POMC: variants seen among roughly 807,000 people sequenced by gnomAD.
POMC encodes proopiomelanocortin, also known as pro-opiomelanocortin.
A neutral mutation model predicts 18.5 loss-of-function variants in POMC; 19 were observed. The observed-to-expected ratio is 1.03, with a 90% CI of 0.72 to 1.51. The LOEUF (loss-of-function observed/expected upper bound fraction) is 1.51. Among genes scored for constraint, POMC ranks in the 40% most tolerant of loss-of-function variants. POMC has a pLI of 0.00. For missense variants in POMC, 451 were observed against 379.0 expected (o/e 1.19, Z -1.58); for synonymous variants, 179 against 161.9 (o/e 1.11, Z -0.80).
At position 25,161,557 on chromosome 2, in the gene POMC, C is replaced by T. The variant is rs1671372305; in HGVS notation, c.328G>A (p.Gly110Ser). Residue 110 changes from glycine to serine, a missense_variant, in exon 3 of 3, where the codon GGC becomes AGC. By Grantham distance (56) the Gly-to-Ser change is moderately conservative (BLOSUM62 0). Transcript: ENST00000395826. This position sits in a 1 kb window ranked among gnomAD's most constrained non-coding sequence, Gnocchi z 5.7. ...AGQKREDVSA[G>S]EDCGPLPEGG... is the part of the protein sequence containing the mutation. ...TCAGGCAGCGGGCCGCAGTCTTCGC[C>T]CGCTGAGACGTCCTCGCGCTTCTGC... The T allele has an allele frequency of 1.3e-6, 2 of 1,572,702 alleles. No individual in the cohort carries two copies. The highest frequency in any genetic ancestry group is 1.7e-6 in the Non-Finnish European group (2 of 1,159,334).
rs772522417 is a variant in POMC at position 25,161,129 on chromosome 2, C to A, written c.756G>T (p.Thr252=). Reference sequence around the variant, plus strand: ...TCTTGATGATGGCGTTTTTGAACAGCGTCACCAGGGGCGTCTGGCTCTTCT... The same window carrying A: ...TCTTGATGATGGCGTTTTTGAACAGAGTCACCAGGGGCGTCTGGCTCTTCT... The part of the protein sequence containing the change: ...TSEKSQTPLV[T]LFKNAIIKNA... The change falls in exon 3 of 3, where the codon ACG becomes ACT. Residue 252 remains threonine (T), a synonymous_variant. Coordinates refer to ENST00000395826, the MANE Select transcript of POMC (RefSeq NM_000939.4). The surrounding 1 kb of genome is among the most constrained non-coding windows in gnomAD (Gnocchi z 5.7). The A allele has an allele frequency of 6.8e-6, 11 of 1,613,622 alleles. No individual in the cohort carries two copies. In the Admixed American group the frequency reaches 1.2e-4, roughly 17 times the overall value.
intron 1 of POMC, 131 bp from the exon 2 acceptor site, chr2:25,164,923 A>G: frequency 3.2e-6 from 3 of 943,176 alleles, no homozygotes; most frequent in Non-Finnish European, 4.8e-6. Flanking sequence ...TAAGGACAGC[A>G]GCAATGCTGA....
rs121918112 is a variant in POMC at position 25,161,734 on chromosome 2, T to A, written c.151A>T (p.Lys51Ter). 6.3e-7 allele frequency: 1 copy of A among 1,594,778 alleles called. No homozygotes were observed. The highest frequency in any genetic ancestry group is 8.5e-7 in the Non-Finnish European group (1 of 1,171,856). The change falls in exon 3 of 3, where the codon AAG becomes TAG. Residue 51 changes from lysine to a stop codon, truncating the protein, a stop_gained. Transcript: ENST00000395826. LOFTEE classifies it high-confidence loss of function. The surrounding 1 kb of genome is among the most constrained non-coding windows in gnomAD (Gnocchi z 5.7). ...SNLLECIRAC[K>*]PDLSAETPMF... ...GGAGTCTCGGCCGAGAGGTCGGGCT[T>A]GCAGGCCCGGATGCACTCCTGGGGG...
chr2:25,167,668 G>T (rs544526122), intron 1 of POMC, among the ~76,000 whole-genome samples: 5 of 152,286 alleles, frequency 3.3e-5, no homozygotes, highest in Admixed American at 6.5e-5. Context: ...GCCACCTCGG[G>T]TGCGCTAAGG....
intron 1 of POMC, among the ~76,000 whole-genome samples, chr2:25,166,059 A>G (rs143339944): frequency 1.2e-4 from 19 of 152,360 alleles, no homozygotes; most frequent in African/African-American, 4.3e-4. Context: ...TCTTTTTTAT[A>G]TAGGGGAGGC....
At chr2:25,165,765 A>C (rs1294618658) in intron 1 of POMC, 1 of 151,262 alleles carries the variant, frequency 6.6e-6, no homozygotes, top group Non-Finnish European at 1.5e-5. Flanking sequence ...CCCTGTACCC[A>C]CCCCTCTCTC....
At chr2:25,166,195 C>T (rs923082639) in intron 1 of POMC, among the ~76,000 whole-genome samples, 4 of 152,198 alleles carry the variant, frequency 2.6e-5, no homozygotes, top group African/African-American at 4.8e-5. Flanking sequence ...GAAGGGTTGC[C>T]GGGCAAGGCT....
At chr2:25,167,775 T>A (rs997284803) in intron 1 of POMC, among the ~76,000 whole-genome samples, 1 of 152,188 alleles carries the variant, frequency 6.6e-6, no homozygotes, top group African/African-American at 2.4e-5. Flanking sequence ...CTGCCCCGTT[T>A]CCAACATTAA....
chr2:25,166,293 T>G (rs1322528958), intron 1 of POMC, among the ~76,000 whole-genome samples: 1 of 152,200 alleles, frequency 6.6e-6, no homozygotes, highest in Admixed American at 6.5e-5. Context: ...TGAACGAGCT[T>G]TGGTCAACCT....
Position 25,168,169 on chromosome 2 carries a change from A to G in POMC, c.-21+329T>C, listed in dbSNP as rs1671621864. 6.6e-6 allele frequency among the ~76,000 whole-genome samples: 1 copy of G among 150,882 alleles called. No individual in the cohort carries two copies. The highest frequency in any genetic ancestry group is 1.5e-5 in the Non-Finnish European group (1 of 67,766). On this transcript the variant is annotated intron_variant, in intron 1 of 2. Coordinates refer to ENST00000395826, the MANE Select transcript of POMC (RefSeq NM_000939.4). The surrounding 1 kb of genome is among the most constrained non-coding windows in gnomAD (Gnocchi z 5.2). ...AACTCCGTCTCAAAAAAAAAAAAAAAGACCGGGTTGTCCCAAGACCTCCTA... is the reference window on the plus strand; with the variant it reads ...AACTCCGTCTCAAAAAAAAAAAAAAGGACCGGGTTGTCCCAAGACCTCCTA...
At chr2:25,163,073 A>G (rs564516484) in intron 2 of POMC, among the ~76,000 whole-genome samples, 1 of 152,360 alleles carries the variant, frequency 6.6e-6, no homozygotes, top group South Asian at 2.1e-4. Flanking sequence ...TGATAAAAAG[A>G]TGAAAAGCTC....
chr2:25,162,771 A>AAC (rs1671437682), intron 2 of POMC, among the ~76,000 whole-genome samples: 1 of 152,232 alleles, frequency 6.6e-6, no homozygotes, highest in African/African-American at 2.4e-5. Flanking sequence ...CAGTGATGAA[A>AAC]AACCTACTTT....
Position 25,161,297 on chromosome 2 carries a change from A to G in POMC, c.588T>C (p.Asp196=). 6.2e-7 allele frequency: 1 copy of G among 1,610,460 alleles called. No individual in the cohort carries two copies. The highest frequency in any genetic ancestry group is 8.5e-7 in the Non-Finnish European group (1 of 1,178,654). The change falls in exon 3 of 3, where the codon GAT becomes GAC. Residue 196 remains aspartate, a synonymous_variant. Coordinates refer to ENST00000395826, the MANE Select transcript of POMC (RefSeq NM_000939.4). The surrounding 1 kb of genome is among the most constrained non-coding windows in gnomAD (Gnocchi z 5.7). ...REGDGPDGPA[D]DGAGAQADLE... ...GGTCGGCCTGGGCCCCTGCGCCGTC[A>G]TCGGCAGGGCCGTCGGGGCCATCTC...
chr2:25,163,685 G>A (rs1671464105), intron 2 of POMC, among the ~76,000 whole-genome samples: 1 of 152,202 alleles, frequency 6.6e-6, no homozygotes, highest in Admixed American at 6.5e-5. Flanking sequence ...TACCCAGACT[G>A]GAGTGCAATG....
At position 25,160,973 on chromosome 2, in the gene POMC, T is replaced by G; in HGVS notation, c.*108A>C. ...CTACAGGCAGCTTTAAGAGGCTGAT[T>G]ATCTGCCACGACCCCCCAGGCTGGG... On this transcript the variant is annotated 3_prime_UTR_variant, in exon 3 of 3. Transcript: ENST00000395826. 1 of 1,543,370 alleles carries G rather than the reference T, an allele frequency of 6.5e-7. No individual in the cohort carries two copies. Among genetic ancestry groups the G allele is most frequent in the Middle Eastern group, 1.8e-4 (1 of 5,426 alleles).
chr2:25,160,913 G>C lies in POMC; in HGVS notation c.*168C>G, dbSNP rs1273410334. 1 of 1,081,366 alleles carries C rather than the reference G, an allele frequency of 9.2e-7. No individual in the cohort carries two copies. The highest frequency in any genetic ancestry group is 2.9e-5 in the Admixed American group (1 of 35,034). The allele number at this position is 1,081,366 out of a possible 1,614,324, so 67.0% of individuals were successfully genotyped here. On this transcript the variant is annotated 3_prime_UTR_variant, in exon 3 of 3. Transcript: ENST00000395826. ...CACACAGTTTACATTCAAAGTCAGA[G>C]GTGGATGTGAAATTTGAAAGGTTTT...
In POMC at chr2:25,161,602, TGCTGCTGCTGTTGCG is replaced by T; in HGVS notation, c.268_282del (p.Arg90_Ser94del). 6.4e-7 allele frequency: 1 copy of T among 1,555,452 alleles called. No individual in the cohort carries two copies. Among genetic ancestry groups the T allele is most frequent in the South Asian group, 1.2e-5 (1 of 84,812 alleles). On this transcript the variant is annotated inframe_deletion, in exon 3 of 3. Transcript: ENST00000395826. The surrounding 1 kb of genome is among the most constrained non-coding windows in gnomAD (Gnocchi z 5.7). ...TTCTGCCCTGCGCCGCTGCTGCCGC[TGCTGCTGCTGTTGCG>T]GCGGCCGAATCGGTCCCAGCGGAAG...
Position 25,161,474 on chromosome 2 carries a change from G to C in POMC, c.411C>G (p.Arg137=), listed in dbSNP as rs745363350. Reference sequence around the variant, plus strand: ...AGCGGAAGTGCTCCATGGAGTAGGAGCGCTTGCCCTCGCGCGGGCCCGGCT... The same window carrying C: ...AGCGGAAGTGCTCCATGGAGTAGGACCGCTTGCCCTCGCGCGGGCCCGGCT... ...GAKPGPREGK[R]SYSMEHFRWG... The change falls in exon 3 of 3, where the codon CGC becomes CGG. Residue 137 remains arginine, a synonymous_variant. Coordinates refer to ENST00000395826, the MANE Select transcript of POMC (RefSeq NM_000939.4). The surrounding 1 kb of genome is among the most constrained non-coding windows in gnomAD (Gnocchi z 5.7). 15 of 1,608,408 alleles carry C rather than the reference G, an allele frequency of 9.3e-6. No homozygotes were observed. Among genetic ancestry groups the C allele is most frequent in the Non-Finnish European group, 1.3e-5 (15 of 1,178,350 alleles).
At chr2:25,164,319 A>G (rs1671482581) in intron 2 of POMC, among the ~76,000 whole-genome samples, 1 of 152,172 alleles carries the variant, frequency 6.6e-6, no homozygotes, top group African/African-American at 2.4e-5. Flanking sequence ...GATTTAAAGT[A>G]CAGAATAGAT....
Sources: gnomAD v4.1 joint callset for allele counts (sites outside exome capture counted in the v4.1 genomes callset) on GRCh38, gnomAD v4.1.1 for gene constraint, Gnocchi (gnomAD v3.1) non-coding constraint, MANE v1.5 for transcripts, NCBI Gene and HGNC (gene_info 2026-07-23, HGNC 2026-07-21) for gene names.